The following NR6A1 variants were observed in gnomAD, a reference collection of about 807,000 sequenced individuals.
The protein encoded by NR6A1 is nuclear receptor subfamily 6 group A member 1, also known as retinoic acid receptor-related testis-associated receptor.
A neutral mutation model predicts 59.1 loss-of-function variants in NR6A1; 7 were observed. That is an observed-to-expected ratio of 0.12 (90% CI 0.07 to 0.22). NR6A1 has a LOEUF of 0.22. Among genes scored for constraint, NR6A1 ranks in the 10% least tolerant of loss-of-function variants. The pLI, the probability that NR6A1 is intolerant of heterozygous loss-of-function variation, is 1.00. For missense variants in NR6A1, 468 were observed against 611.6 expected (o/e 0.77, Z 2.48); for synonymous variants, 243 against 236.1 (o/e 1.03, Z -0.27).
chr9:124,622,110 G>A (rs1186159258), intron 2 of NR6A1, among the ~76,000 whole-genome samples: 4 of 152,276 alleles, frequency 2.6e-5, no homozygotes, highest in African/African-American at 7.2e-5. Context: ...CAGCTACTTC[G>A]CAGGCTGAGG....
chr9:124,524,192 A>G (rs888083483), intron 9 of NR6A1, among the ~76,000 whole-genome samples: 43 of 152,150 alleles, frequency 2.8e-4, no homozygotes, highest in Admixed American at 1.3e-4. Flanking sequence ...CCTAGCCTCA[A>G]CTGATCCTCT....
intron 2 of NR6A1, among the ~76,000 whole-genome samples, chr9:124,726,559 G>A (rs1398003997): frequency 6.6e-6 from 1 of 152,184 alleles, no homozygotes; most frequent in Non-Finnish European, 1.5e-5. Context: ...GGGGAGGGTG[G>A]AGAGAGGTAG....
chr9:124,712,587 G>A (rs376040427), intron 2 of NR6A1, among the ~76,000 whole-genome samples: 288 of 147,292 alleles, frequency 2.0e-3, no homozygotes, highest in African/African-American at 6.4e-3. Context: ...CAGCCTGGGC[G>A]ACAGAACAAG....
At chr9:124,617,666 C>T (rs1001845852) in intron 2 of NR6A1, among the ~76,000 whole-genome samples, 3 of 152,096 alleles carry the variant, frequency 2.0e-5, no homozygotes, top group Non-Finnish European at 4.4e-5. Flanking sequence ...CTAGAGTCCA[C>T]CAGCAGAGGG....
chr9:124,589,347 G>C (rs925880156), intron 2 of NR6A1, among the ~76,000 whole-genome samples: 1 of 152,230 alleles, frequency 6.6e-6, no homozygotes, highest in Non-Finnish European at 1.5e-5. Flanking sequence ...TCGGGAGGCT[G>C]AGGCAGGAGA....
chr9:124,739,125 T>C lies in NR6A1; in HGVS notation c.101-5776A>G, dbSNP rs138049786. 6.1e-3 allele frequency among the ~76,000 whole-genome samples: 914 copies of C among 150,798 alleles called. 12 individuals are homozygous for C. The highest frequency in any genetic ancestry group is 0.026 in the East Asian group (132 of 5,128). ...AATGCTTGAACCTGGGAGGCAGAGG[T>C]TGCAGTGAGCCCAGATCACATCACT... On this transcript the variant is annotated intron_variant, in intron 1 of 9. Transcript: ENST00000487099.
chr9:124,587,156 G>A (rs1192254862), intron 2 of NR6A1, among the ~76,000 whole-genome samples: 3 of 152,186 alleles, frequency 2.0e-5, no homozygotes, highest in African/African-American at 4.8e-5. Flanking sequence ...AGCCTCAGAT[G>A]GTCGTTTGCA....
chr9:124,536,165 A>G (rs1484456082), intron 6 of NR6A1, 33 bp from the exon 7 acceptor site: 1 of 1,599,832 alleles, frequency 6.3e-7, no homozygotes, highest in South Asian at 1.1e-5. Context: ...AGTCACTTCC[A>G]TTGGTCAGAG....
intron 3 of NR6A1, among the ~76,000 whole-genome samples, chr9:124,553,576 G>A (rs937171254): frequency 3.2e-4 from 21 of 66,616 alleles, no homozygotes; most frequent in Middle Eastern, 0.011. Flanking sequence ...TTTTTTTTTC[G>A]TTTTTTTCTC....
intron 2 of NR6A1, chr9:124,599,672 C>G: frequency 9.8e-7 from 1 of 1,024,258 alleles, no homozygotes; most frequent in African/African-American, 1.8e-5. Flanking sequence ...CCCTCTGCGT[C>G]TGGCCATGAA....
intron 1 of NR6A1, among the ~76,000 whole-genome samples, chr9:124,764,306 T>C (rs1840868494): frequency 6.6e-6 from 1 of 152,334 alleles, no homozygotes; most frequent in African/African-American, 2.4e-5. Context: ...AACTATGGGA[T>C]TACACCTGAA....
intron 2 of NR6A1, among the ~76,000 whole-genome samples, chr9:124,698,979 T>G (rs1055561992): frequency 1.3e-5 from 2 of 152,196 alleles, no homozygotes; most frequent in Non-Finnish European, 2.9e-5. Flanking sequence ...ACGGTAGGTA[T>G]AGAAGAAATC....
chr9:124,711,259 A>G (rs1291378288), intron 2 of NR6A1, among the ~76,000 whole-genome samples: 1 of 148,384 alleles, frequency 6.7e-6, no homozygotes, highest in African/African-American at 2.5e-5. Context: ...CTAGCCTGCC[A>G]GGTCACACTG....
intron 5 of NR6A1, among the ~76,000 whole-genome samples, 158 bp from the exon 6 acceptor site, chr9:124,538,477 T>C (rs1833349239): frequency 6.6e-6 from 1 of 152,240 alleles, no homozygotes; most frequent in Non-Finnish European, 1.5e-5. Context: ...ATGTCTCTCC[T>C]ACTAGATTCC....
At chr9:124,611,484 C>T (rs1018659684) in intron 2 of NR6A1, among the ~76,000 whole-genome samples, 2 of 152,072 alleles carry the variant, frequency 1.3e-5, no homozygotes, top group Non-Finnish European at 2.9e-5. Flanking sequence ...ACCTCTGATC[C>T]TAACACTTTG....
intron 2 of NR6A1, among the ~76,000 whole-genome samples, chr9:124,712,189 G>A (rs1290769697): frequency 2.0e-5 from 3 of 152,202 alleles, no homozygotes; most frequent in Non-Finnish European, 2.9e-5. Context: ...TGAAGGAGGA[G>A]GAGAGAGCGC....
At chr9:124,616,906 A>T (rs953887264) in intron 2 of NR6A1, among the ~76,000 whole-genome samples, 2 of 152,224 alleles carry the variant, frequency 1.3e-5, no homozygotes, top group Admixed American at 6.5e-5. Flanking sequence ...GTACAACTTG[A>T]AAACAGCTTA....
At chr9:124,556,155 G>C (rs1210271108) in intron 2 of NR6A1, among the ~76,000 whole-genome samples, 1 of 152,232 alleles carries the variant, frequency 6.6e-6, no homozygotes, top group Non-Finnish European at 1.5e-5. Context: ...GGTATTTGTA[G>C]ATGTGATTGA....
intron 2 of NR6A1, among the ~76,000 whole-genome samples, chr9:124,679,406 T>C (rs1838056462): frequency 6.6e-6 from 1 of 152,192 alleles, no homozygotes. Flanking sequence ...ACTTTTTCTA[T>C]CTGCCTTAAT....
Sources: gnomAD v4.1 joint callset for allele counts (sites outside exome capture counted in the v4.1 genomes callset) on GRCh38, gnomAD v4.1.1 for gene constraint, MANE v1.5 for transcripts, NCBI Gene and HGNC (gene_info 2026-07-23, HGNC 2026-07-21) for gene names.